SAMD5: variants seen among roughly 807,000 people sequenced by gnomAD.
SAMD5 encodes sterile alpha motif domain containing 5.
A neutral mutation model predicts 11.3 loss-of-function variants in SAMD5; 13 were observed. The ratio of observed to expected loss-of-function variants is 1.15; its 90% CI spans 0.75 to 1.83. The LOEUF is 1.83. SAMD5 is among the 40% of genes most tolerant of loss of function. The pLI, the probability that SAMD5 is intolerant of heterozygous loss-of-function variation, is 0.00. For synonymous variants in SAMD5, 129 were observed against 111.3 expected, an observed-to-expected ratio of 1.16 and a Z score of -1.00; for missense variants, 255 against 239.1, an observed-to-expected ratio of 1.07 and a Z score of -0.44.
chr6:147,795,346 C>A, the SAMD5 span, among the ~76,000 whole-genome samples: 2 of 138,100 alleles, frequency 1.4e-5, no homozygotes, highest in Non-Finnish European at 3.1e-5. Flanking sequence ...ATAGTTTACT[C>A]AGAATGATGG....
chr6:147,896,074 G>C, the SAMD5 span, among the ~76,000 whole-genome samples: 2 of 152,212 alleles, frequency 1.3e-5, no homozygotes, highest in African/African-American at 4.8e-5. Flanking sequence ...GAACCTCTGT[G>C]TGATTAAATT....
chr6:147,627,159 T>C (rs1418141302), intron 1 of SAMD5, among the ~76,000 whole-genome samples: 1 of 152,200 alleles, frequency 6.6e-6, no homozygotes, highest in Non-Finnish European at 1.5e-5. Flanking sequence ...AATATTTATA[T>C]GGACAGATTT....
the SAMD5 span, among the ~76,000 whole-genome samples, chr6:147,948,841 G>A: frequency 6.6e-6 from 1 of 152,114 alleles, no homozygotes; most frequent in Non-Finnish European, 1.5e-5. Flanking sequence ...GTCCCCAGAG[G>A]TCAACTAAAC....
chr6:147,595,522 CTTT>C (rs770537446), intron 1 of SAMD5, among the ~76,000 whole-genome samples: 2 of 106,620 alleles, frequency 1.9e-5, no homozygotes, highest in Non-Finnish European at 1.7e-5. Context: ...ACTAAACTAC[CTTT>C]TTTTTTTTTT....
the SAMD5 span, among the ~76,000 whole-genome samples, chr6:147,751,526 A>C: frequency 1.4e-4 from 21 of 152,214 alleles, no homozygotes; most frequent in Non-Finnish European, 2.1e-4. Flanking sequence ...CAAAAGAATT[A>C]TTGCAACCAC....
At chr6:147,854,067 A>C in the SAMD5 span, among the ~76,000 whole-genome samples, 1 of 152,210 alleles carries the variant, frequency 6.6e-6, no homozygotes, top group Admixed American at 6.6e-5. Context: ...CTGGGTTTTT[A>C]ATATGTAGCC....
the SAMD5 span, among the ~76,000 whole-genome samples, chr6:147,838,536 C>CCCG: frequency 9.7e-5 from 14 of 143,918 alleles, no homozygotes; most frequent in Admixed American, 4.8e-4. Flanking sequence ...ATCCTGCCCC[C>CCCG]CCCCCGTAGT....
At chr6:147,577,798 G>T (rs9497808) in intron 1 of SAMD5, among the ~76,000 whole-genome samples, 5,242 of 151,670 alleles carry the variant, frequency 0.035, 241 homozygotes, top group African/African-American at 0.11. Flanking sequence ...AAAATAGCCA[G>T]GTTTTATGTA....
chr6:147,675,889 A>G (rs576309467), intron 1 of SAMD5, among the ~76,000 whole-genome samples: 1 of 152,218 alleles, frequency 6.6e-6, no homozygotes, highest in Non-Finnish European at 1.5e-5. Flanking sequence ...CACGCAAAAG[A>G]AATAAACTTC....
At chr6:147,761,092 C>T in the SAMD5 span, among the ~76,000 whole-genome samples, 1 of 152,098 alleles carries the variant, frequency 6.6e-6, no homozygotes, top group African/African-American at 2.4e-5. Flanking sequence ...TTATAAATAA[C>T]TTCCTAACAA....
At chr6:147,555,853 T>G (rs1664959263) in intron 1 of SAMD5, among the ~76,000 whole-genome samples, 1 of 152,180 alleles carries the variant, frequency 6.6e-6, no homozygotes, top group South Asian at 2.1e-4. Flanking sequence ...ATTATTTATC[T>G]GAAAAGTCTG....
the SAMD5 span, among the ~76,000 whole-genome samples, chr6:147,903,676 G>C: frequency 2.0e-5 from 3 of 152,206 alleles, no homozygotes; most frequent in South Asian, 6.2e-4. Flanking sequence ...TTAGGAGGCA[G>C]AGGTGGGTGG....
At chr6:147,640,856 T>G (rs1790302333) in intron 1 of SAMD5, among the ~76,000 whole-genome samples, 1 of 152,246 alleles carries the variant, frequency 6.6e-6, no homozygotes, top group South Asian at 2.1e-4. Context: ...CTGAGGACTT[T>G]GTCTTTAAGA....
chr6:147,676,927 A>AG (rs1200035169), intron 1 of SAMD5, among the ~76,000 whole-genome samples: 4 of 151,994 alleles, frequency 2.6e-5, no homozygotes, highest in Admixed American at 2.0e-4. Flanking sequence ...AAATGACAGA[A>AG]GCTGGGGCCA....
At position 147,589,538 on chromosome 6, in the gene SAMD5, C is replaced by T. The variant is rs539595151; in HGVS notation, c.162+80151C>T. Among the ~76,000 whole-genome samples, 13 of 152,222 alleles carry T rather than the reference C, an allele frequency of 8.5e-5. No homozygotes were observed. The South Asian group carries it at 2.7e-3, about 32-fold the overall frequency. ...TTCTGTCTTTGTGATCCTGAGCAGG[C>T]TAGCCAGCCTCTCCAAGCCTCGGCG... On this transcript the variant is annotated intron_variant, in intron 1 of 1. Transcript: ENST00000566741.
intron 1 of SAMD5, among the ~76,000 whole-genome samples, chr6:147,667,858 A>G (rs1342705694): frequency 6.6e-6 from 1 of 152,216 alleles, no homozygotes; most frequent in Non-Finnish European, 1.5e-5. Flanking sequence ...CTGAAAATTG[A>G]ACATATACTT....
At chr6:147,619,403 C>T (rs1005497221) in intron 1 of SAMD5, among the ~76,000 whole-genome samples, 3 of 152,048 alleles carry the variant, frequency 2.0e-5, no homozygotes, top group Non-Finnish European at 2.9e-5. Flanking sequence ...AAAAACTTCC[C>T]GAGTTTGTAT....
intron 1 of SAMD5, among the ~76,000 whole-genome samples, chr6:147,660,052 C>A (rs1027399045): frequency 1.3e-5 from 2 of 152,142 alleles, no homozygotes; most frequent in African/African-American, 4.8e-5. Context: ...TTAGCCTTGC[C>A]ATTAACAACA....
At chr6:147,525,413 T>C (rs1473645440) in intron 1 of SAMD5, among the ~76,000 whole-genome samples, 1 of 150,256 alleles carries the variant, frequency 6.7e-6, no homozygotes, top group Non-Finnish European at 1.5e-5. Context: ...GGAATACATT[T>C]TGAAAAGTCC....
Sources: allele counts gnomAD v4.1 joint callset (sites outside exome capture counted in the v4.1 genomes callset), GRCh38; gene constraint gnomAD v4.1.1; transcripts MANE v1.5; gene names NCBI Gene and HGNC (gene_info 2026-07-23, HGNC 2026-07-21).